The following DISC1 variants were observed in gnomAD, a reference collection of about 807,000 sequenced individuals.
DISC1 encodes the protein disrupted in schizophrenia 1 protein.
Under a neutral mutation model 84.5 loss-of-function variants are expected in DISC1, and 57 were observed. The ratio of observed to expected loss-of-function variants is 0.67; its 90% CI spans 0.55 to 0.84. The LOEUF is 0.84. Among genes scored for constraint, DISC1 ranks in the 40% least tolerant of loss-of-function variants. The probability of loss-of-function intolerance (pLI) is 0.00; values close to 1 mark genes in which losing one functional copy is unlikely to be tolerated. For synonymous variants in DISC1, 411 were observed against 415.2 expected, an observed-to-expected ratio of 0.99 and a Z score of 0.12; for missense variants, 1,000 against 1,057.8, an observed-to-expected ratio of 0.95 and a Z score of 0.76.
intron 10 of DISC1, among the ~76,000 whole-genome samples, chr1:231,986,524 T>G (rs1488498137): frequency 6.6e-6 from 1 of 152,166 alleles, no homozygotes; most frequent in Non-Finnish European, 1.5e-5. Context: ...GTAACATCCC[T>G]TTGTTCACAG....
intron 8 of DISC1, among the ~76,000 whole-genome samples, chr1:231,809,113 G>C (rs1270146549): frequency 2.6e-5 from 4 of 152,198 alleles, no homozygotes; most frequent in African/African-American, 7.2e-5. Context: ...GGGGAAGCAG[G>C]GAGCCCAGTC....
chr1:231,959,429 G>C (rs1660078033), intron 10 of DISC1: 8 of 985,644 alleles, frequency 8.1e-6, no homozygotes, highest in Non-Finnish European at 9.6e-6. Context: ...GTGGATGTGT[G>C]CTTAGGAAAA....
intron 1 of DISC1, among the ~76,000 whole-genome samples, chr1:231,650,823 C>T (rs572884542): frequency 3.9e-5 from 6 of 152,160 alleles, no homozygotes; most frequent in Non-Finnish European, 5.9e-5. Flanking sequence ...GATCTTCAGT[C>T]GCTGATACCC....
rs752338225 is a variant in DISC1 at position 231,818,333 on chromosome 1, C to T, written c.1797C>T (p.Asn599=). Residue 599 remains asparagine (N), a synonymous_variant, in exon 9 of 13, where the codon AAC becomes AAT. Coordinates refer to ENST00000439617, the MANE Select transcript of DISC1 (RefSeq NM_018662.3). ...CTCTCCCACAACGTGCTGTAGGAAA[C>T]CATTTCTGGACGGCTAAAGACCTCA... ...LEAKMHAISG[N]HFWTAKDLTE... 5.6e-6 allele frequency: 9 copies of T among 1,613,850 alleles called. No homozygotes were observed. The highest frequency in any genetic ancestry group is 7.6e-6 in the Non-Finnish European group (9 of 1,179,840).
chr1:231,760,996 G>C (rs201288267), intron 4 of DISC1, among the ~76,000 whole-genome samples: 5 of 152,286 alleles, frequency 3.3e-5, no homozygotes, highest in Non-Finnish European at 5.9e-5. Flanking sequence ...GGTAAAAATT[G>C]TCAATGGAAT....
intron 3 of DISC1, among the ~76,000 whole-genome samples, chr1:231,706,639 T>G (rs770144753): frequency 1.1e-4 from 16 of 152,226 alleles, no homozygotes; most frequent in Non-Finnish European, 1.5e-4. Context: ...GGAGTAAAAG[T>G]AGCCAGCATC....
chr1:231,830,672 C>T (rs1179838477), intron 9 of DISC1, among the ~76,000 whole-genome samples: 1 of 152,002 alleles, frequency 6.6e-6, no homozygotes, highest in Admixed American at 6.6e-5. Flanking sequence ...GGGCACAGTC[C>T]AAGTTGGTCT....
intron 12 of DISC1, among the ~76,000 whole-genome samples, chr1:232,035,817 C>G (rs1670466806): frequency 6.6e-6 from 1 of 152,186 alleles, no homozygotes; most frequent in Admixed American, 6.5e-5. Context: ...GACGTATGGA[C>G]AGAAAAACCA....
intron 6 of DISC1, among the ~76,000 whole-genome samples, chr1:231,779,591 C>T (rs1033362625): frequency 7.9e-6 from 1 of 126,522 alleles, no homozygotes; most frequent in Non-Finnish European, 1.6e-5. Context: ...GATGGAGTCT[C>T]GCTCTGTCGC....
chr1:231,775,239 T>A (rs944691943), intron 6 of DISC1, among the ~76,000 whole-genome samples: 13 of 152,218 alleles, frequency 8.5e-5, no homozygotes, highest in African/African-American at 3.1e-4. Flanking sequence ...TGCAATATGC[T>A]TTGTTTCGTG....
At chr1:231,761,759 A>T (rs1224120589) in intron 4 of DISC1, among the ~76,000 whole-genome samples, 1 of 152,224 alleles carries the variant, frequency 6.6e-6, no homozygotes, top group Non-Finnish European at 1.5e-5. Flanking sequence ...GTGCAAAGAA[A>T]TGATCCAATG....
chr1:231,650,783 A>T (rs1380717544), intron 1 of DISC1, among the ~76,000 whole-genome samples: 1 of 151,554 alleles, frequency 6.6e-6, no homozygotes, highest in East Asian at 1.9e-4. Flanking sequence ...TTTTCTCTAA[A>T]CTTCTCTTCT....
intron 10 of DISC1, among the ~76,000 whole-genome samples, chr1:232,006,775 C>A (rs895315161): frequency 4.6e-5 from 7 of 152,174 alleles, no homozygotes; most frequent in Non-Finnish European, 7.3e-5. Flanking sequence ...AAATGTTAAT[C>A]CCCAAGACAA....
chr1:232,034,021 T>A (rs888462201), intron 12 of DISC1, among the ~76,000 whole-genome samples: 1 of 152,140 alleles, frequency 6.6e-6, no homozygotes, highest in Non-Finnish European at 1.5e-5. Context: ...TTTTTTTTTC[T>A]GGGGACTTTT....
At chr1:231,976,108 T>C (rs535179182) in intron 10 of DISC1, among the ~76,000 whole-genome samples, 1 of 152,334 alleles carries the variant, frequency 6.6e-6, no homozygotes, top group Non-Finnish European at 1.5e-5. Flanking sequence ...GCAACTGTGC[T>C]TCCCTTTCTC....
chr1:231,975,543 C>T (rs1662667053), intron 10 of DISC1, among the ~76,000 whole-genome samples: 1 of 152,078 alleles, frequency 6.6e-6, no homozygotes, highest in Non-Finnish European at 1.5e-5. Flanking sequence ...GCACTATTTC[C>T]AACAGCAAAG....
chr1:231,665,037 A>G (rs370195998), intron 1 of DISC1, among the ~76,000 whole-genome samples: 2 of 152,346 alleles, frequency 1.3e-5, no homozygotes, highest in East Asian at 3.9e-4. Flanking sequence ...AACGTATGCA[A>G]ACAGAGTGTA....
intron 6 of DISC1, among the ~76,000 whole-genome samples, chr1:231,779,721 G>A (rs554698119): frequency 1.3e-5 from 2 of 151,928 alleles, no homozygotes; most frequent in African/African-American, 2.4e-5. Context: ...CACCACGCCC[G>A]GCTAATTTTT....
chr1:231,667,547 C>T lies in DISC1; in HGVS notation c.68-26279C>T, dbSNP rs1217133082. ...TTCTACTTCAGTAAATCCAATTCAG[C>T]CTTCTTACTGACCATGGGTTAAAGT... On this transcript the variant is annotated intron_variant, in intron 1 of 12. Coordinates refer to ENST00000439617, the MANE Select transcript of DISC1 (RefSeq NM_018662.3). Among the ~76,000 whole-genome samples, 4 of 152,314 alleles carry T rather than the reference C, an allele frequency of 2.6e-5. No individual in the cohort carries two copies. The East Asian group carries it at 7.7e-4, about 29-fold the overall frequency.
Sources: gnomAD v4.1 joint callset for allele counts (sites outside exome capture counted in the v4.1 genomes callset) on GRCh38, gnomAD v4.1.1 for gene constraint, MANE v1.5 for transcripts, NCBI Gene and HGNC (gene_info 2026-07-23, HGNC 2026-07-21) for gene names.